KRT27: variants seen among roughly 807,000 people sequenced by gnomAD.
KRT27 encodes keratin, type I cytoskeletal 27.
Under a neutral mutation model 45.3 loss-of-function variants are expected in KRT27, and 30 were observed. The ratio of observed to expected loss-of-function variants is 0.66; its 90% CI spans 0.50 to 0.90. The LOEUF (loss-of-function observed/expected upper bound fraction) is 0.90. Among genes scored for constraint, KRT27 ranks in the 40% least tolerant of loss-of-function variants. KRT27 has a pLI of 0.00. For synonymous variants in KRT27, 204 were observed against 223.9 expected, an observed-to-expected ratio of 0.91 and a Z score of 0.79; for missense variants, 610 against 564.3, an observed-to-expected ratio of 1.08 and a Z score of -0.82.
In KRT27 at chr17:40,779,760, A is replaced by C. The variant is rs752402793; in HGVS notation, c.786T>G (p.Ala262=). Residue 262 remains alanine (A), a synonymous_variant, in exon 4 of 8, where the codon GCT becomes GCG. Coordinates refer to ENST00000301656, the MANE Select transcript of KRT27 (RefSeq NM_181537.4). Reference sequence around the variant, plus strand: ...TCTGCTCTGCGAGGGCTTCGTACTCAGCTCGCATATTGTTCAGCAGAACCG... The same window carrying C: ...TCTGCTCTGCGAGGGCTTCGTACTCCGCTCGCATATTGTTCAGCAGAACCG... The part of the protein sequence containing the change: ...DLTVLLNNMR[A]EYEALAEQNR... 2.7e-5 allele frequency: 44 copies of C among 1,614,038 alleles called. No individual in the cohort carries two copies. Among genetic ancestry groups the C allele is most frequent in the Non-Finnish European group, 3.6e-5 (43 of 1,179,994 alleles).
Position 40,779,597 on chromosome 17 carries a change from C to G in KRT27, c.877G>C (p.Asp293His). ...SASLQQQISD[D>H]AGATTSARNE... ...CGGGCTGAGGTGGTGGCGCCAGCGT[C>G]GTCAGAGATCTGCTGCTGCAGCGAG... Residue 293 changes from aspartate to histidine, a missense_variant, in exon 5 of 8, where the codon GAC becomes CAC. Transcript: ENST00000301656. 6.2e-7 allele frequency: 1 copy of G among 1,614,232 alleles called. No individual in the cohort carries two copies. The highest frequency in any genetic ancestry group is 8.5e-7 in the Non-Finnish European group (1 of 1,180,036).
rs1329703930 is a variant in KRT27, at chr17:40,777,013, T to C, written c.1366A>G (p.Arg456Gly). ...STKVNNKNEQ[R>G]VSS ...GAGGCTGGAGTTCAGGAAGACACCC[T>C]CTGTTCATTCTTGTTGTTGACTTTG... is the stretch of plus-strand genomic sequence containing the variant. Residue 456 changes from arginine to glycine, a missense_variant, in exon 8 of 8, where the codon AGG becomes GGG. Coordinates refer to ENST00000301656, the MANE Select transcript of KRT27 (RefSeq NM_181537.4). 2 of 1,612,164 alleles carry C rather than the reference T, an allele frequency of 1.2e-6. No individual in the cohort carries two copies. Among genetic ancestry groups the C allele is most frequent in the South Asian group, 1.1e-5 (1 of 90,892 alleles).
intron 1 of KRT27, among the ~76,000 whole-genome samples, 184 bp from the exon 2 acceptor site, chr17:40,781,454 G>A (rs575219102): frequency 6.6e-6 from 1 of 152,288 alleles, no homozygotes; most frequent in Admixed American, 6.5e-5. Context: ...TTTTGAGACC[G>A]AGTCTCGCTC....
rs1313851194 is a variant in KRT27, at chr17:40,779,822, T to A, written c.724A>T (p.Asn242Tyr). 2 of 1,614,038 alleles carry A rather than the reference T, an allele frequency of 1.2e-6. No homozygotes were observed. Among genetic ancestry groups the A allele is most frequent in the South Asian group, 2.2e-5 (2 of 91,074 alleles). ...ALQCAAGGNV[N>Y]VEMNAAPGVD... ...CCGGGGGCCGCGTTCATCTCCACGT[T>A]CACGTTGCCTCCAGCCGCGCACTGA... Residue 242 changes from asparagine (N) to tyrosine (Y), a missense_variant, in exon 4 of 8, where the codon AAC (asparagine) becomes TAC (tyrosine). Coordinates refer to ENST00000301656, the MANE Select transcript of KRT27 (RefSeq NM_181537.4).
chr17:40,780,843 C>T (rs1191173813), intron 2 of KRT27, among the ~76,000 whole-genome samples: 1 of 151,658 alleles, frequency 6.6e-6, no homozygotes, highest in Non-Finnish European at 1.5e-5. Context: ...AGCGAGACTC[C>T]GTCTCCAAAA....
In KRT27 at chr17:40,777,510, C is replaced by A. The variant is rs1248329294; in HGVS notation, c.1190+5G>T. 1 of 1,613,594 alleles carries A rather than the reference C, an allele frequency of 6.2e-7. No individual in the cohort carries two copies. Among genetic ancestry groups the A allele is most frequent in the African/African-American group, 1.3e-5 (1 of 74,896 alleles). ...AATTGTTTTCTCAATGGCGGCAATACTGACCCATCTTCTCCATCTATCAGG... is the reference window on the plus strand; with the variant it reads ...AATTGTTTTCTCAATGGCGGCAATAATGACCCATCTTCTCCATCTATCAGG... On this transcript the variant is annotated splice_donor_5th_base_variant and intron_variant, in intron 6 of 7. Coordinates refer to ENST00000301656, the MANE Select transcript of KRT27 (RefSeq NM_181537.4).
At position 40,782,496 on chromosome 17, in the gene KRT27, T is replaced by C; in HGVS notation, c.-3A>G. 2 of 1,543,348 alleles carry C rather than the reference T, an allele frequency of 1.3e-6. No individual in the cohort carries two copies. The highest frequency in any genetic ancestry group is 1.7e-6 in the Non-Finnish European group (2 of 1,144,726). On this transcript the variant is annotated 5_prime_UTR_variant, in exon 1 of 8. Coordinates refer to ENST00000301656, the MANE Select transcript of KRT27 (RefSeq NM_181537.4). ...GTAGAAGAAAAGCGCACAGACATGG[T>C]GTCCGGAGGCTGGAGCCTTTGTTTC... is the stretch of plus-strand genomic sequence containing the variant.
intron 3 of KRT27, 144 bp from the exon 4 acceptor site, chr17:40,780,005 G>C: frequency 9.7e-7 from 1 of 1,031,038 alleles, no homozygotes; most frequent in Non-Finnish European, 1.4e-6. Flanking sequence ...GGCCTCAAGC[G>C]ATCCTCCATT....
Position 40,782,192 on chromosome 17 carries a change from T to C in KRT27, c.302A>G (p.Asn101Ser), listed in dbSNP as rs1250682479. ...LNDRLASYLE[N>S]VRALEEANAD... ...GTTGGCCTCCTCTAGGGCTCGAACA[T>C]TCTCCAGGTAGGAGGCCAAGCGGTC... is the stretch of plus-strand genomic sequence containing the variant. The change falls in exon 1 of 8, where the codon AAT becomes AGT. Residue 101 changes from asparagine (N) to serine (S), a missense_variant. Physicochemically the swap from Asn to Ser is conservative, Grantham distance 46. Transcript: ENST00000301656. The C allele has an allele frequency of 1.9e-6, 3 of 1,614,180 alleles. No homozygotes were observed. Among genetic ancestry groups the C allele is most frequent in the South Asian group, 1.1e-5 (1 of 91,078 alleles).
Position 40,777,096 on chromosome 17 carries a change from A to C in KRT27, c.1283T>G (p.Ile428Arg), listed in dbSNP as rs1338622205. The C allele has an allele frequency of 1.2e-6, 2 of 1,614,106 alleles. No individual in the cohort carries two copies. The highest frequency in any genetic ancestry group is 2.2e-5 in the East Asian group (1 of 44,868). The stretch of plus-strand genomic sequence containing the variant: ...TGAGAGAACTTTGCCACGAGGATCT[A>C]TCTCTTCAACAACTGTTTTGACAAT... ...TTIVKTVVEEIDPRGKVLSSR... is the reference protein window; with the variant it reads ...TTIVKTVVEERDPRGKVLSSR... The change falls in exon 8 of 8, where the codon ATA (isoleucine) becomes AGA (arginine). Residue 428 changes from isoleucine to arginine, a missense_variant. Physicochemically the swap from Ile to Arg is moderately conservative, Grantham distance 97. Coordinates refer to ENST00000301656, the MANE Select transcript of KRT27 (RefSeq NM_181537.4).
Position 40,779,686 on chromosome 17 carries a change from A to G in KRT27, c.846+14T>C, listed in dbSNP as rs1298545279. 3 of 1,613,578 alleles carry G rather than the reference A, an allele frequency of 1.9e-6. No homozygotes were observed. The highest frequency in any genetic ancestry group is 1.7e-5 in the Admixed American group (1 of 59,926). The stretch of plus-strand genomic sequence containing the variant: ...GCTGAGTCCGCGCCCGGGCGCACCC[A>G]AGCGTGGTTTTACCTTTTCGTTGAA... On this transcript the variant is annotated intron_variant, in intron 4 of 7. Coordinates refer to ENST00000301656, the MANE Select transcript of KRT27 (RefSeq NM_181537.4).
In KRT27 at chr17:40,777,572, T is replaced by C. The variant is rs774890596; in HGVS notation, c.1133A>G (p.Lys378Arg). The change falls in exon 6 of 8, where the codon AAG becomes AGG. Residue 378 changes from lysine (K) to arginine (R), a missense_variant. Transcript: ENST00000301656. ...CTCAATTTCTTTTTCCAGGTGGACC[T>C]TGATGTCAAGGAGCTGCTCATACTC... ...KLEYEQLLDI[K>R]VHLEKEIETY... is the part of the protein sequence containing the mutation. 6.2e-7 allele frequency: 1 copy of C among 1,614,038 alleles called. No homozygotes were observed. Among genetic ancestry groups the C allele is most frequent in the Non-Finnish European group, 8.5e-7 (1 of 1,179,890 alleles).
At chr17:40,781,346 C>T in intron 1 of KRT27, 76 bp from the exon 2 acceptor site, 1 of 831,820 alleles carries the variant, frequency 1.2e-6, no homozygotes, top group Non-Finnish European at 2.0e-6. Context: ...TAAAATTACC[C>T]ATGAAATTAT....
rs1388745257 is a variant in KRT27, at chr17:40,776,943, A to G, written c.*56T>C. ...AAATAAGGGGACCCTTATTTAGGAA[A>G]CTAGCTTCATTTTGGTATTTTAATT... is the stretch of plus-strand genomic sequence containing the variant. On this transcript the variant is annotated 3_prime_UTR_variant, in exon 8 of 8. Coordinates refer to ENST00000301656, the MANE Select transcript of KRT27 (RefSeq NM_181537.4). The G allele has an allele frequency of 1.3e-6, 2 of 1,512,294 alleles. No homozygotes were observed. The highest frequency in any genetic ancestry group is 1.8e-6 in the Non-Finnish European group (2 of 1,113,958). The allele number at this position is 1,512,294 out of a possible 1,614,324, so 93.7% of individuals were successfully genotyped here.
intron 5 of KRT27, among the ~76,000 whole-genome samples, chr17:40,778,578 G>A (rs555163571): frequency 1.3e-5 from 2 of 152,304 alleles, no homozygotes; most frequent in Admixed American, 6.5e-5. Flanking sequence ...GAGTTATAAC[G>A]TCTGCCCTGC....
intron 5 of KRT27, among the ~76,000 whole-genome samples, chr17:40,778,624 C>T (rs570667275): frequency 2.0e-5 from 3 of 152,046 alleles, no homozygotes; most frequent in South Asian, 2.1e-4. Context: ...CACATGTGGG[C>T]GGAAGTGCTG....
At position 40,781,226 on chromosome 17, in the gene KRT27, A is replaced by G. The variant is rs765773007; in HGVS notation, c.489T>C (p.Asn163=). ...CATCAGCTGTTAGTCTTGCATTATCATTTTGCAGGACAACATGGGCATTAC... is the reference window on the plus strand; with the variant it reads ...CATCAGCTGTTAGTCTTGCATTATCGTTTTGCAGGACAACATGGGCATTAC... ...TTSNAHVVLQ[N]DNARLTADDF... The change falls in exon 2 of 8, where the codon AAT becomes AAC. Residue 163 remains asparagine, a synonymous_variant. Transcript: ENST00000301656. 1 of 1,611,930 alleles carries G rather than the reference A, an allele frequency of 6.2e-7. No homozygotes were observed. Among genetic ancestry groups the G allele is most frequent in the Non-Finnish European group, 8.5e-7 (1 of 1,178,790 alleles).
Position 40,776,930 on chromosome 17 carries a change from C to A in KRT27, c.*69G>T. The A allele has an allele frequency of 4.3e-6, 6 of 1,401,918 alleles. No individual in the cohort carries two copies. Among genetic ancestry groups the A allele is most frequent in the Non-Finnish European group, 5.9e-6 (6 of 1,022,144 alleles). 86.8% of individuals were successfully genotyped at this position (1,401,918 alleles called of 1,614,324 possible). A position where few individuals can be genotyped will look rare whatever the true frequency, so the allele number is the denominator to read the frequency against. On this transcript the variant is annotated 3_prime_UTR_variant, in exon 8 of 8. Transcript: ENST00000301656. ...AAGAAAAGCAGAAAAATAAGGGGAC[C>A]CTTATTTAGGAAACTAGCTTCATTT... is the stretch of plus-strand genomic sequence containing the variant.
chr17:40,777,880 G>T (rs2038278915), intron 5 of KRT27, 148 bp from the exon 6 acceptor site: 2 of 812,706 alleles, frequency 2.5e-6, no homozygotes, highest in African/African-American at 1.7e-5. Flanking sequence ...AATATTAATT[G>T]TTGCCTTTAT....
Sources: allele counts gnomAD v4.1 joint callset (sites outside exome capture counted in the v4.1 genomes callset), GRCh38; gene constraint gnomAD v4.1.1; transcripts MANE v1.5; gene names NCBI Gene and HGNC (gene_info 2026-07-23, HGNC 2026-07-21).